Variants in LDLRAD4 observed in about 807,000 individuals in gnomAD.
The protein encoded by LDLRAD4 is low density lipoprotein receptor class A domain containing 4, also known as low-density lipoprotein receptor class A domain-containing protein 4.
Under a neutral mutation model 17.0 loss-of-function variants are expected in LDLRAD4, and 5 were observed. The observed-to-expected ratio is 0.29, with a 90% CI of 0.15 to 0.62. LDLRAD4 has a LOEUF of 0.62. LDLRAD4 is among the 20% of genes least tolerant of loss of function. The probability of loss-of-function intolerance (pLI) is 0.84; values close to 1 mark genes in which losing one functional copy is unlikely to be tolerated. For missense variants in LDLRAD4, 340 were observed against 424.7 expected, an observed-to-expected ratio of 0.80 and a Z score of 1.75; for synonymous variants, 168 against 171.8, an observed-to-expected ratio of 0.98 and a Z score of 0.17.
intron 3 of LDLRAD4, among the ~76,000 whole-genome samples, chr18:13,550,025 T>G (rs561388780): frequency 4.7e-4 from 71 of 152,342 alleles, no homozygotes; most frequent in African/African-American, 1.6e-3. Context: ...CATATTTTAA[T>G]CCAGCAACGT....
chr18:13,243,554 C>T (rs921616000), intron 1 of LDLRAD4, among the ~76,000 whole-genome samples: 3 of 151,546 alleles, frequency 2.0e-5, no homozygotes, highest in African/African-American at 7.3e-5. Flanking sequence ...TTCATCTGTC[C>T]ATCCATCCAT....
chr18:13,556,826 CCTGACTGAGGTGTATTAGGTTTCCTCA>C, intron 3 of LDLRAD4, among the ~76,000 whole-genome samples: 1 of 152,280 alleles, frequency 6.6e-6, no homozygotes, highest in Non-Finnish European at 1.5e-5. Context: ...ACCTTGATCA[CCTGACTGAGGTGTATTAGGTTTCCTCA>C]CTGTCAAGTT....
intron 1 of LDLRAD4, among the ~76,000 whole-genome samples, chr18:13,257,794 G>A (rs1171097996): frequency 1.3e-5 from 2 of 152,204 alleles, no homozygotes; most frequent in Admixed American, 6.5e-5. Context: ...CACAGTCCAC[G>A]GGACAGCCTC....
chr18:13,400,814 C>G (rs993820668), intron 2 of LDLRAD4, among the ~76,000 whole-genome samples: 2 of 152,166 alleles, frequency 1.3e-5, no homozygotes, highest in East Asian at 1.9e-4. Context: ...CGGAGGCCCA[C>G]TCCTAGATTT....
At chr18:13,400,773 G>A (rs1009143638) in intron 2 of LDLRAD4, among the ~76,000 whole-genome samples, 5 of 152,172 alleles carry the variant, frequency 3.3e-5, no homozygotes, top group Non-Finnish European at 5.9e-5. Flanking sequence ...AGGAAAGGAC[G>A]TGGTTCACTT....
chr18:13,372,466 GA>G, intron 1 of LDLRAD4, among the ~76,000 whole-genome samples: 1 of 152,306 alleles, frequency 6.6e-6, no homozygotes, highest in Admixed American at 6.5e-5. Context: ...AGAAATGAAA[GA>G]GACAAGATGA....
chr18:13,400,999 G>A (rs1041825206), intron 2 of LDLRAD4, among the ~76,000 whole-genome samples: 2 of 152,140 alleles, frequency 1.3e-5, no homozygotes, highest in African/African-American at 4.8e-5. Flanking sequence ...CAGCATTCAG[G>A]TCCCGTAGAA....
At chr18:13,370,715 T>TTTTTTTTTTTGTTTGTTTG (rs1555663257) in intron 1 of LDLRAD4, among the ~76,000 whole-genome samples, 1 of 121,000 alleles carries the variant, frequency 8.3e-6, no homozygotes, top group African/African-American at 3.5e-5. Flanking sequence ...TTTGTTTTGT[T>TTTTTTTTTTTGTTTGTTTG]TTTTTTTTTT....
At chr18:13,560,380 A>G (rs2094528061) in intron 3 of LDLRAD4, among the ~76,000 whole-genome samples, 1 of 152,168 alleles carries the variant, frequency 6.6e-6, no homozygotes, top group South Asian at 2.1e-4. Context: ...CTCAGAGCCC[A>G]AGGGGATTCG....
chr18:13,559,641 C>T (rs1027202619), intron 3 of LDLRAD4, among the ~76,000 whole-genome samples: 4 of 151,934 alleles, frequency 2.6e-5, no homozygotes, highest in Non-Finnish European at 5.9e-5. Context: ...TATGTATGTA[C>T]ATTTTATATA....
intron 3 of LDLRAD4, among the ~76,000 whole-genome samples, chr18:13,585,615 T>G (rs372766193): frequency 5.3e-5 from 8 of 152,282 alleles, no homozygotes; most frequent in African/African-American, 1.9e-4. Flanking sequence ...GGTTTCCCAC[T>G]CCCCCTTTCA....
At chr18:13,249,595 CTTT>C (rs202121257) in intron 1 of LDLRAD4, among the ~76,000 whole-genome samples, 1 of 143,938 alleles carries the variant, frequency 6.9e-6, no homozygotes. Context: ...AAAATTAGAT[CTTT>C]TTTTTTTTTG....
chr18:13,319,119 C>T (rs1009907050), intron 1 of LDLRAD4, among the ~76,000 whole-genome samples: 10 of 152,178 alleles, frequency 6.6e-5, no homozygotes, highest in Admixed American at 6.5e-4. Context: ...TCTCATGAAG[C>T]CCTTTATACC....
At chr18:13,379,478 G>A (rs17681721) in intron 1 of LDLRAD4, among the ~76,000 whole-genome samples, 6,761 of 152,304 alleles carry the variant, frequency 0.044, 222 homozygotes, top group Non-Finnish European at 0.072. Flanking sequence ...ATCAGGAAGC[G>A]TTGTCCAGAA....
chr18:13,526,084 T>A (rs2094027572), intron 3 of LDLRAD4: 1 of 152,198 alleles, frequency 6.6e-6, no homozygotes, highest in Non-Finnish European at 1.5e-5. Context: ...GGGAGCTAAT[T>A]TCCTGTGGGA....
At chr18:13,268,109 G>C (rs1215696612) in intron 1 of LDLRAD4, among the ~76,000 whole-genome samples, 1 of 152,178 alleles carries the variant, frequency 6.6e-6, no homozygotes, top group Admixed American at 6.5e-5. Context: ...TTAAGTTTAA[G>C]ACTATAGTTT....
intron 1 of LDLRAD4, among the ~76,000 whole-genome samples, chr18:13,258,282 G>A (rs570904998): frequency 9.2e-5 from 14 of 152,102 alleles, no homozygotes; most frequent in African/African-American, 2.9e-4. Context: ...CCATGCTTCC[G>A]TAGTATTTTG....
At chr18:13,545,956 C>T (rs2094355782) in intron 3 of LDLRAD4, among the ~76,000 whole-genome samples, 1 of 152,168 alleles carries the variant, frequency 6.6e-6, no homozygotes, top group African/African-American at 2.4e-5. Context: ...AGTTTCTTAG[C>T]AGCAGCAGTG....
chr18:13,324,228 C>G (rs2081397479), intron 1 of LDLRAD4, among the ~76,000 whole-genome samples: 1 of 151,294 alleles, frequency 6.6e-6, no homozygotes, highest in South Asian at 2.1e-4. Context: ...AGCTCCGCCT[C>G]CCGGGTTCAC....
Sources: gnomAD v4.1 joint callset for allele counts (sites outside exome capture counted in the v4.1 genomes callset) on GRCh38, gnomAD v4.1.1 for gene constraint, MANE v1.5 for transcripts, NCBI Gene and HGNC (gene_info 2026-07-23, HGNC 2026-07-21) for gene names.